The following CRB1 variants were observed in gnomAD, a reference collection of about 807,000 sequenced individuals.
CRB1 encodes protein crumbs homolog 1.
Under a neutral mutation model 120.0 loss-of-function variants are expected in CRB1, and 83 were observed. The observed-to-expected ratio is 0.69, with a 90% CI of 0.58 to 0.83. The LOEUF (loss-of-function observed/expected upper bound fraction) is 0.83. CRB1 is among the 40% of genes least tolerant of loss of function. The pLI, the probability that CRB1 is intolerant of heterozygous loss-of-function variation, is 0.00. For synonymous variants in CRB1, 625 were observed against 612.5 expected, an observed-to-expected ratio of 1.02 and a Z score of -0.30; for missense variants, 1,699 against 1,687.6, an observed-to-expected ratio of 1.01 and a Z score of -0.12.
upstream of CRB1, among the ~76,000 whole-genome samples, chr1:197,264,392 G>T (rs1423522400): frequency 6.6e-6 from 1 of 152,030 alleles, no homozygotes; most frequent in African/African-American, 2.4e-5. Flanking sequence ...ATTTAGGTTA[G>T]TTCTATATCT....
chr1:197,255,970 T>C, the CRB1 span, among the ~76,000 whole-genome samples: 25 of 103,878 alleles, frequency 2.4e-4, no homozygotes, highest in African/African-American at 1.4e-3. Context: ...ACATTTTATA[T>C]ATATATATAT....
At chr1:197,299,626 G>GA (rs1001434795) in intron 1 of CRB1, among the ~76,000 whole-genome samples, 66 of 150,560 alleles carry the variant, frequency 4.4e-4, no homozygotes, top group Non-Finnish European at 8.0e-4. Context: ...ACAAGAAAAG[G>GA]AAAAAAAAAA....
chr1:197,375,329 T>G (rs944165029), intron 5 of CRB1, among the ~76,000 whole-genome samples: 2 of 152,154 alleles, frequency 1.3e-5, no homozygotes, highest in African/African-American at 4.8e-5. Flanking sequence ...ATTTGCTAGA[T>G]GGATGGTGTA....
chr1:197,342,390 T>C (rs1003946113), intron 2 of CRB1, among the ~76,000 whole-genome samples: 4 of 152,210 alleles, frequency 2.6e-5, no homozygotes, highest in Non-Finnish European at 5.9e-5. Flanking sequence ...GTGTCTGTCA[T>C]TGCTCTCTAA....
chr1:197,222,867 G>T, the CRB1 span: 3 of 1,483,648 alleles, frequency 2.0e-6, no homozygotes, highest in Non-Finnish European at 2.8e-6. Flanking sequence ...GGCAGGTTTG[G>T]ATGAAATTGG....
chr1:197,291,682 T>C (rs1282017568), intron 1 of CRB1, among the ~76,000 whole-genome samples: 1 of 151,860 alleles, frequency 6.6e-6, no homozygotes, highest in Non-Finnish European at 1.5e-5. Context: ...TTAGCATGCA[T>C]AGTGCTTAAT....
chr1:197,222,904 A>T, the CRB1 span: 1 of 1,160,602 alleles, frequency 8.6e-7, no homozygotes, highest in Non-Finnish European at 1.3e-6. Context: ...GACTCTGAAC[A>T]ATTCATAGTT....
chr1:197,214,783 G>C, the CRB1 span, among the ~76,000 whole-genome samples: 3 of 151,718 alleles, frequency 2.0e-5, no homozygotes, highest in Non-Finnish European at 4.4e-5. Flanking sequence ...TTCTCAAACT[G>C]TTCCAAAAAC....
chr1:197,347,805 A>G (rs963678010), intron 4 of CRB1, among the ~76,000 whole-genome samples: 26 of 150,590 alleles, frequency 1.7e-4, no homozygotes, highest in African/African-American at 5.8e-4. Context: ...GTTCTCTTAT[A>G]TGGCAGGAAT....
At chr1:197,244,699 C>A in the CRB1 span, among the ~76,000 whole-genome samples, 1 of 151,696 alleles carries the variant, frequency 6.6e-6, no homozygotes, top group African/African-American at 2.4e-5. Flanking sequence ...AGTTTTATGT[C>A]TTTTTCCAAA....
At chr1:197,264,223 G>A (rs548482442), upstream of CRB1, among the ~76,000 whole-genome samples, 9 of 152,182 alleles carry the variant, frequency 5.9e-5, no homozygotes, top group South Asian at 1.5e-3. Flanking sequence ...GAGAACATGC[G>A]GTATTTGTTT....
chr1:197,425,380 A>G (rs746881678), intron 6 of CRB1, among the ~76,000 whole-genome samples: 1 of 152,204 alleles, frequency 6.6e-6, no homozygotes, highest in Non-Finnish European at 1.5e-5. Flanking sequence ...AAGATCTTCA[A>G]ACACAGTTGA....
chr1:197,283,069 A>C (rs1201036192), intron 1 of CRB1, among the ~76,000 whole-genome samples: 1 of 151,772 alleles, frequency 6.6e-6, no homozygotes, highest in Admixed American at 6.6e-5. Context: ...CTCAACACTT[A>C]GTCAAAAGGT....
Position 197,455,025 on chromosome 1 carries a change from A to G in CRB1, c.4005+12733A>G, listed in dbSNP as rs185065637. On this transcript the variant is annotated intron_variant, in intron 11 of 11. Transcript: ENST00000367400. ...ATTTTTAATGTGTCTATAATGACAT[A>G]TGTTGGTTATGACAAGGTTGGCCAT... Among the ~76,000 whole-genome samples the G allele has an allele frequency of 2.6e-5, 4 of 152,292 alleles. No homozygotes were observed. The East Asian group carries it at 7.7e-4, about 29-fold the overall frequency.
intron 5 of CRB1, among the ~76,000 whole-genome samples, chr1:197,378,033 C>T (rs920249966): frequency 8.5e-5 from 13 of 152,092 alleles, no homozygotes; most frequent in African/African-American, 3.1e-4. Flanking sequence ...GTAGAGCTGC[C>T]CTTGCTGAGT....
At chr1:197,341,236 T>A (rs1159454525) in intron 2 of CRB1, among the ~76,000 whole-genome samples, 1 of 152,138 alleles carries the variant, frequency 6.6e-6, no homozygotes, top group Non-Finnish European at 1.5e-5. Context: ...GAAGACATTC[T>A]AGACGGTATC....
chr1:197,342,857 C>G (rs1659548929), intron 2 of CRB1, among the ~76,000 whole-genome samples: 1 of 152,092 alleles, frequency 6.6e-6, no homozygotes, highest in Non-Finnish European at 1.5e-5. Context: ...AGAGCTCAGT[C>G]CTGGATGGTC....
the CRB1 span, among the ~76,000 whole-genome samples, chr1:197,261,469 T>A: frequency 1.3e-5 from 2 of 152,160 alleles, no homozygotes; most frequent in South Asian, 4.1e-4. Flanking sequence ...CGCTGTTGAG[T>A]GAGAAAAGCA....
chr1:197,268,591 G>T, intron 1 of CRB1, 109 bp downstream of exon 1: 1 of 922,290 alleles, frequency 1.1e-6, no homozygotes. Context: ...TGCTAAAAAA[G>T]GAAGTTTTTA....
Sources: gnomAD v4.1 joint callset for allele counts (sites outside exome capture counted in the v4.1 genomes callset) on GRCh38, gnomAD v4.1.1 for gene constraint, MANE v1.5 for transcripts, NCBI Gene and HGNC (gene_info 2026-07-23, HGNC 2026-07-21) for gene names.